Variants in MED12L observed in about 807,000 individuals in gnomAD.
The protein encoded by MED12L is mediator of RNA polymerase II transcription subunit 12-like protein.
MED12L carries 60 observed loss-of-function variants against 281.3 expected under a neutral mutation model. The ratio of observed to expected loss-of-function variants is 0.21; its 90% CI spans 0.17 to 0.26. MED12L has a LOEUF of 0.26. Ranked by LOEUF, MED12L falls within the 10% of genes least tolerant of loss-of-function variation. The probability of loss-of-function intolerance (pLI) is 1.00; values close to 1 mark genes in which losing one functional copy is unlikely to be tolerated. For missense variants in MED12L, 2,146 were observed against 2,680.9 expected, an observed-to-expected ratio of 0.80 and a Z score of 4.41; for synonymous variants, 974 against 987.2, an observed-to-expected ratio of 0.99 and a Z score of 0.25.
At chr3:151,393,707 T>C (rs1403685026) in intron 38 of MED12L, among the ~76,000 whole-genome samples, 4 of 152,230 alleles carry the variant, frequency 2.6e-5, no homozygotes, top group African/African-American at 9.6e-5. Flanking sequence ...TTTACCTTTG[T>C]CATAGTGAGT....
chr3:151,197,081 C>G (rs147052854), intron 16 of MED12L, among the ~76,000 whole-genome samples: 1 of 152,188 alleles, frequency 6.6e-6, no homozygotes, highest in Admixed American at 6.5e-5. Flanking sequence ...TGTATTCTTT[C>G]TGCATCACCA....
intron 13 of MED12L, 105 bp from the exon 14 acceptor site, chr3:151,190,612 C>T: frequency 9.7e-7 from 1 of 1,034,434 alleles, no homozygotes; most frequent in Middle Eastern, 2.1e-4. Flanking sequence ...TTTTTTTTCC[C>T]CAGAAAAGTT....
At chr3:151,432,376 C>T (rs1457569661) in intron 44 of MED12L, among the ~76,000 whole-genome samples, 1 of 152,108 alleles carries the variant, frequency 6.6e-6, no homozygotes, top group African/African-American at 2.4e-5. Context: ...TTTTTCTTAC[C>T]AATTATGTGT....
intron 2 of MED12L, among the ~76,000 whole-genome samples, chr3:151,101,885 A>G (rs1292624574): frequency 3.3e-5 from 5 of 152,180 alleles, no homozygotes; most frequent in Non-Finnish European, 5.9e-5. Flanking sequence ...ATAGGACTGG[A>G]GAAGAATTGG....
chr3:151,369,901 C>CTAAAT (rs1382897773), intron 26 of MED12L, among the ~76,000 whole-genome samples: 1 of 152,132 alleles, frequency 6.6e-6, no homozygotes, highest in African/African-American at 2.4e-5. Flanking sequence ...GGTAATCTAA[C>CTAAAT]TAAATGTTTA....
At chr3:151,183,985 T>C (rs1358100696) in intron 11 of MED12L, among the ~76,000 whole-genome samples, 1 of 152,232 alleles carries the variant, frequency 6.6e-6, no homozygotes, top group Admixed American at 6.5e-5. Flanking sequence ...TATGTTCATA[T>C]AGGTTAGAGT....
In MED12L at chr3:151,355,944, T is replaced by G. The variant is rs1560069470; in HGVS notation, c.2566T>G (p.Ser856Ala). 2.5e-6 allele frequency: 4 copies of G among 1,614,102 alleles called. No individual in the cohort carries two copies. Among genetic ancestry groups the G allele is most frequent in the Non-Finnish European group, 2.5e-6 (3 of 1,180,010 alleles). ...AATCACAAGCTTTGCGTCAGGAACA[T>G]CCTATCATCTCCCTTTGGCTCACCA... ...EQITSFASGT[S>A]YHLPLAHHIQ... Residue 856 changes from serine (S) to alanine (A), a missense_variant, in exon 19 of 45, where the codon TCC (serine) becomes GCC (alanine). By Grantham distance (99) the Ser-to-Ala change is moderately conservative (BLOSUM62 1). Coordinates refer to ENST00000687756, the MANE Select transcript of MED12L (RefSeq NM_001393769.1).
chr3:151,427,059 C>T (rs945278533), intron 43 of MED12L, among the ~76,000 whole-genome samples: 6 of 152,150 alleles, frequency 3.9e-5, no homozygotes, highest in African/African-American at 1.4e-4. Context: ...CTCAAGCTGT[C>T]TGCTCGCCTT....
At chr3:151,352,860 A>T (rs867423198) in intron 17 of MED12L, among the ~76,000 whole-genome samples, 3 of 152,194 alleles carry the variant, frequency 2.0e-5, no homozygotes, top group Non-Finnish European at 4.4e-5. Context: ...AAAGATTTTT[A>T]AAAAAGAAAA....
intron 16 of MED12L, among the ~76,000 whole-genome samples, chr3:151,272,976 G>A (rs1741229108): frequency 6.6e-6 from 1 of 152,088 alleles, no homozygotes; most frequent in Non-Finnish European, 1.5e-5. Flanking sequence ...AACTTTTTGA[G>A]GGCTGACATG....
intron 43 of MED12L, among the ~76,000 whole-genome samples, chr3:151,416,694 G>C (rs16863379): frequency 0.03 from 4,536 of 152,224 alleles, 185 homozygotes; most frequent in African/African-American, 0.096. Context: ...ACATTGAGAC[G>C]TGGTCTTTTT....
At chr3:151,249,663 A>G (rs1320128045) in intron 16 of MED12L, among the ~76,000 whole-genome samples, 1 of 152,110 alleles carries the variant, frequency 6.6e-6, no homozygotes, top group Admixed American at 6.6e-5. Flanking sequence ...CCAGCCTTGA[A>G]TGGGGGCTTT....
intron 16 of MED12L, among the ~76,000 whole-genome samples, chr3:151,211,299 A>G (rs1727118900): frequency 6.6e-6 from 1 of 150,732 alleles, no homozygotes; most frequent in Non-Finnish European, 1.5e-5. Flanking sequence ...AGTAGGGGGC[A>G]TTTAAAACCC....
At chr3:151,170,631 T>C (rs1721312372) in intron 11 of MED12L, among the ~76,000 whole-genome samples, 1 of 152,196 alleles carries the variant, frequency 6.6e-6, no homozygotes, top group South Asian at 2.1e-4. Flanking sequence ...CCCATTTCCT[T>C]GGCCACTGTT....
chr3:151,281,232 C>CAA (rs35035320), intron 16 of MED12L, among the ~76,000 whole-genome samples: 690 of 49,972 alleles, frequency 0.014, 34 homozygotes, highest in African/African-American at 0.029. Flanking sequence ...ACCAAAAATA[C>CAA]AAAAAAAAAA....
At chr3:151,117,743 T>C (rs1318330306) in intron 3 of MED12L, among the ~76,000 whole-genome samples, 1 of 152,080 alleles carries the variant, frequency 6.6e-6, no homozygotes, top group Non-Finnish European at 1.5e-5. Context: ...CAGAATGTTG[T>C]GCTCAAAAAA....
At chr3:151,307,155 A>G (rs1213531921) in intron 16 of MED12L, among the ~76,000 whole-genome samples, 1 of 152,234 alleles carries the variant, frequency 6.6e-6, no homozygotes, top group Non-Finnish European at 1.5e-5. Context: ...CCTATAATCT[A>G]AGAATCTTTC....
chr3:151,430,426 A>G, intron 44 of MED12L, 46 bp downstream of exon 44: 1 of 1,608,098 alleles, frequency 6.2e-7, no homozygotes, highest in African/African-American at 1.3e-5. Flanking sequence ...CCGGAAAATT[A>G]AAAATAAGCC....
chr3:151,175,475 A>AT (rs1047473779), intron 11 of MED12L, among the ~76,000 whole-genome samples: 5 of 152,192 alleles, frequency 3.3e-5, no homozygotes, highest in South Asian at 2.1e-4. Context: ...TAAGTCATTG[A>AT]TTTTTTTCCC....
Sources: gnomAD v4.1 joint callset for allele counts (sites outside exome capture counted in the v4.1 genomes callset) on GRCh38, gnomAD v4.1.1 for gene constraint, MANE v1.5 for transcripts, NCBI Gene and HGNC (gene_info 2026-07-23, HGNC 2026-07-21) for gene names.